The following AKAP12 variants were observed in gnomAD, a reference collection of about 807,000 sequenced individuals.
AKAP12 encodes the protein A-kinase anchoring protein 12, also known as A-kinase anchor protein 12.
AKAP12 carries 32 observed loss-of-function variants against 79.9 expected under a neutral mutation model. The ratio of observed to expected loss-of-function variants is 0.40; its 90% CI spans 0.30 to 0.54. The LOEUF is 0.54. AKAP12 is among the 20% of genes least tolerant of loss of function. AKAP12 has a pLI of 0.48. For missense variants in AKAP12, 2,074 were observed against 2,177.0 expected (o/e 0.95, Z 0.94); for synonymous variants, 808 against 857.0 (o/e 0.94, Z 1.00).
chr6:151,321,675 G>C (rs571463382), intron 3 of AKAP12, among the ~76,000 whole-genome samples: 137 of 152,170 alleles, frequency 9.0e-4, no homozygotes, highest in Non-Finnish European at 1.5e-3. Flanking sequence ...CTGTGGGTGT[G>C]TATTTCCATT....
At chr6:151,242,677 A>G (rs1475722788) in intron 2 of AKAP12, among the ~76,000 whole-genome samples, 1 of 152,236 alleles carries the variant, frequency 6.6e-6, no homozygotes, top group Admixed American at 6.5e-5. Context: ...ACCTCCAAGT[A>G]ATCCCATCTC....
chr6:151,266,261 CTT>C (rs900363999), intron 2 of AKAP12, among the ~76,000 whole-genome samples: 4 of 152,176 alleles, frequency 2.6e-5, no homozygotes, highest in Non-Finnish European at 4.4e-5. Context: ...ATATTTTTCT[CTT>C]CTTTCTTTTT....
chr6:151,285,384 C>CTG (rs10680283), intron 2 of AKAP12, among the ~76,000 whole-genome samples: 8,568 of 136,432 alleles, frequency 0.063, 347 homozygotes, highest in African/African-American at 0.12. Context: ...CTGCATTTCA[C>CTG]TGTGTGTGTG....
intron 2 of AKAP12, among the ~76,000 whole-genome samples, chr6:151,268,943 C>T (rs1243891359): frequency 1.2e-5 from 1 of 84,896 alleles, no homozygotes; most frequent in African/African-American, 4.0e-5. Flanking sequence ...CGTGCTCGGC[C>T]TGTTTTTTTT....
intron 2 of AKAP12, among the ~76,000 whole-genome samples, chr6:151,287,761 A>G (rs1034815732): frequency 2.6e-5 from 4 of 152,222 alleles, no homozygotes. Flanking sequence ...AGACACATGC[A>G]TACGTATGTT....
At chr6:151,246,311 G>T (rs2114677133) in intron 2 of AKAP12, among the ~76,000 whole-genome samples, 1 of 152,234 alleles carries the variant, frequency 6.6e-6, no homozygotes, top group East Asian at 1.9e-4. Context: ...CCAGCTACTT[G>T]GGAAGCTGAG....
chr6:151,337,309 A>G (rs562837997), intron 3 of AKAP12, among the ~76,000 whole-genome samples: 2 of 151,550 alleles, frequency 1.3e-5, no homozygotes, highest in South Asian at 4.2e-4. Flanking sequence ...GTTCGAGACC[A>G]GTCTCTACAG....
chr6:151,315,725 G>A (rs1445602224), intron 3 of AKAP12, among the ~76,000 whole-genome samples: 1 of 152,140 alleles, frequency 6.6e-6, no homozygotes, highest in Non-Finnish European at 1.5e-5. Flanking sequence ...CTGTTATAAA[G>A]AACTGCCCAA....
intron 3 of AKAP12, among the ~76,000 whole-genome samples, chr6:151,331,844 C>G (rs1476758368): frequency 1.4e-5 from 2 of 141,622 alleles, no homozygotes; most frequent in East Asian, 4.3e-4. Flanking sequence ...AAGATTGCAC[C>G]AACGCACTCC....
chr6:151,301,128 A>G (rs556082396), intron 2 of AKAP12, among the ~76,000 whole-genome samples: 29 of 152,260 alleles, frequency 1.9e-4, no homozygotes, highest in African/African-American at 6.0e-4. Flanking sequence ...TCTGGCTCCA[A>G]TGAATCCCAT....
intron 2 of AKAP12, among the ~76,000 whole-genome samples, chr6:151,241,386 A>T (rs1341903258): frequency 1.3e-5 from 2 of 152,332 alleles, no homozygotes; most frequent in East Asian, 3.9e-4. Flanking sequence ...GGTTTCGCAA[A>T]CCAGCCAGCG....
At chr6:151,333,972 TA>T (rs1777747013) in intron 3 of AKAP12, among the ~76,000 whole-genome samples, 1 of 151,536 alleles carries the variant, frequency 6.6e-6, no homozygotes, top group African/African-American at 2.4e-5. Context: ...ATACTTGGGG[TA>T]AAGGACCTGC....
chr6:151,330,221 A>G (rs1001565239), intron 3 of AKAP12, among the ~76,000 whole-genome samples: 5 of 152,166 alleles, frequency 3.3e-5, no homozygotes, highest in Non-Finnish European at 7.3e-5. Flanking sequence ...TCACTTGGGA[A>G]GCTGAGGTAG....
rs1386505624 is a variant in AKAP12 at position 151,353,608 on chromosome 6, G to A, written c.5217G>A (p.Glu1739=). ...DTNGPKQKEK[E]DAQEVELQEG... ...ATGGACCAAAACAAAAAGAGAAGGA[G>A]GATGCCCAGGAAGTAGAATTGCAGG... The change falls in exon 4 of 5, where the codon GAG becomes GAA. Residue 1739 remains glutamate (E), a synonymous_variant. Coordinates refer to ENST00000402676, the MANE Select transcript of AKAP12 (RefSeq NM_005100.4). 6 of 1,613,918 alleles carry A rather than the reference G, an allele frequency of 3.7e-6. No individual in the cohort carries two copies. The African/African-American group carries it at 8.0e-5, about 22-fold the overall frequency.
At chr6:151,300,439 A>G (rs542413142) in intron 2 of AKAP12, among the ~76,000 whole-genome samples, 1 of 152,250 alleles carries the variant, frequency 6.6e-6, no homozygotes, top group African/African-American at 2.4e-5. Flanking sequence ...TTCTGCAGTG[A>G]AAAGGGTTGC....
intron 2 of AKAP12, among the ~76,000 whole-genome samples, chr6:151,275,225 A>G (rs1460207752): frequency 6.6e-6 from 1 of 152,154 alleles, no homozygotes. Context: ...AAGGGGATCT[A>G]AACCGTTTTT....
intron 2 of AKAP12, among the ~76,000 whole-genome samples, chr6:151,280,252 G>A (rs4431446): frequency 0.24 from 35,924 of 151,666 alleles, 4,437 homozygotes; most frequent in Non-Finnish European, 0.27. Context: ...CCTATTACAA[G>A]TAATGCTGAA....
chr6:151,269,314 A>T (rs1256314654), intron 2 of AKAP12, among the ~76,000 whole-genome samples: 1 of 151,942 alleles, frequency 6.6e-6, no homozygotes, highest in Non-Finnish European at 1.5e-5. Flanking sequence ...TTTTTCTAAA[A>T]TTTTTTATTA....
intron 2 of AKAP12, among the ~76,000 whole-genome samples, chr6:151,275,109 A>C (rs1776266560): frequency 6.6e-6 from 1 of 152,078 alleles, no homozygotes; most frequent in South Asian, 2.1e-4. Flanking sequence ...GTCTCAAAAA[A>C]AAAATTTTTT....
Sources: gnomAD v4.1 joint callset for allele counts (sites outside exome capture counted in the v4.1 genomes callset) on GRCh38, gnomAD v4.1.1 for gene constraint, MANE v1.5 for transcripts, NCBI Gene and HGNC (gene_info 2026-07-23, HGNC 2026-07-21) for gene names.